The following GABBR2 variants were observed in gnomAD, a reference collection of about 807,000 sequenced individuals.
The protein encoded by GABBR2 is gamma-aminobutyric acid type B receptor subunit 2.
Under a neutral mutation model 105.6 loss-of-function variants are expected in GABBR2, and 23 were observed. That is an observed-to-expected ratio of 0.22 (90% CI 0.16 to 0.31). The LOEUF (loss-of-function observed/expected upper bound fraction) is 0.31, where lower values mean the gene tolerates loss of function less well. Among genes scored for constraint, GABBR2 ranks in the 10% least tolerant of loss-of-function variants. GABBR2 has a pLI of 1.00. For missense variants in GABBR2, 734 were observed against 1,245.5 expected, an observed-to-expected ratio of 0.59 and a Z score of 6.18; for synonymous variants, 478 against 499.7, an observed-to-expected ratio of 0.96 and a Z score of 0.58.
At chr9:98,484,811 G>T (rs541591752) in intron 4 of GABBR2, among the ~76,000 whole-genome samples, 1 of 152,342 alleles carries the variant, frequency 6.6e-6, no homozygotes, top group African/African-American at 2.4e-5. Context: ...TCTCATGAAA[G>T]TTCCAGAATC....
chr9:98,692,351 C>G (rs150872544), intron 1 of GABBR2, among the ~76,000 whole-genome samples: 1 of 152,148 alleles, frequency 6.6e-6, no homozygotes, highest in African/African-American at 2.4e-5. Context: ...GGATATTAGT[C>G]CACCCAACAT....
intron 3 of GABBR2, among the ~76,000 whole-genome samples, chr9:98,508,301 A>T (rs929893476): frequency 2.0e-5 from 3 of 152,218 alleles, no homozygotes; most frequent in African/African-American, 7.2e-5. Context: ...AGATGGCCGA[A>T]TAGGAACAGC....
intron 3 of GABBR2, among the ~76,000 whole-genome samples, chr9:98,500,621 G>A (rs1299580370): frequency 2.6e-5 from 4 of 152,224 alleles, no homozygotes; most frequent in African/African-American, 7.2e-5. Flanking sequence ...ACAAGGAGCC[G>A]AAGACATTCG....
intron 1 of GABBR2, 21 bp from the exon 2 acceptor site, chr9:98,578,093 A>G (rs1292732885): frequency 6.2e-7 from 1 of 1,612,766 alleles, no homozygotes; most frequent in African/African-American, 1.3e-5. Flanking sequence ...ACACATAGAA[A>G]GAAAGGTCCA....
intron 12 of GABBR2, among the ~76,000 whole-genome samples, chr9:98,368,401 A>T (rs1831719351): frequency 6.6e-6 from 1 of 151,896 alleles, no homozygotes; most frequent in Non-Finnish European, 1.5e-5. Context: ...TCCTCCCTGG[A>T]TGCCTGGACC....
chr9:98,423,397 T>C lies in GABBR2; in HGVS notation c.1237-17256A>G, dbSNP rs146955882. Among the ~76,000 whole-genome samples, 169 of 152,372 alleles carry C rather than the reference T, an allele frequency of 1.1e-3. 1 individual carries two copies. The highest frequency in any genetic ancestry group is 3.8e-3 in the African/African-American group (159 of 41,590). On this transcript the variant is annotated intron_variant, in intron 7 of 18. Coordinates refer to ENST00000259455, the MANE Select transcript of GABBR2 (RefSeq NM_005458.8). ...ATTTTTTCATGTGTCTTTGGCTGCATAAATGTCTTCTTTTGAGAAGTGTCT... is the reference window on the plus strand; with the variant it reads ...ATTTTTTCATGTGTCTTTGGCTGCACAAATGTCTTCTTTTGAGAAGTGTCT...
At chr9:98,361,692 C>T (rs1232636880) in intron 13 of GABBR2, among the ~76,000 whole-genome samples, 2 of 152,204 alleles carry the variant, frequency 1.3e-5, no homozygotes, top group Admixed American at 6.5e-5. Context: ...GTCTTTCCTC[C>T]TTACCAGTTC....
Position 98,385,780 on chromosome 9 carries a change from G to A in GABBR2, c.1530-8C>T, listed in dbSNP as rs1391961866. On this transcript the variant is annotated splice_region_variant and splice_polypyrimidine_tract_variant and intron_variant, in intron 10 of 18. Coordinates refer to ENST00000259455, the MANE Select transcript of GABBR2 (RefSeq NM_005458.8). ...CTCGACATCTTTATGAGCCTGACAA[G>A]AGAAAGAGACAATAGATTTAACAGA... 1.9e-6 allele frequency: 3 copies of A among 1,605,472 alleles called. No homozygotes were observed. In the African/African-American group the frequency reaches 4.0e-5, roughly 21 times the overall value.
intron 1 of GABBR2, among the ~76,000 whole-genome samples, chr9:98,657,724 C>A (rs941883854): frequency 2.6e-5 from 4 of 152,240 alleles, no homozygotes. Context: ...ATGGCAAGAG[C>A]GGGACCAGGT....
chr9:98,708,507 C>T lies in GABBR2; in HGVS notation c.231G>A (p.Val77=), dbSNP rs1458996901. 6 of 1,596,288 alleles carry T rather than the reference C, an allele frequency of 3.8e-6. No individual in the cohort carries two copies. The highest frequency in any genetic ancestry group is 2.2e-5 in the South Asian group (2 of 89,318). The change falls in exon 1 of 19, where the codon GTG becomes GTA. Residue 77 remains valine (V), a synonymous_variant. Transcript: ENST00000259455. ...CGATGGCCAGTTCCACGGCGGGGAG[C>T]ACACCGCGCCCGATGCTGCCCTTGG... is the stretch of plus-strand genomic sequence containing the variant. ...EVAKGSIGRG[V]LPAVELAIEQ...
At chr9:98,690,860 C>A (rs1830674569) in intron 1 of GABBR2, among the ~76,000 whole-genome samples, 1 of 152,188 alleles carries the variant, frequency 6.6e-6, no homozygotes, top group South Asian at 2.1e-4. Flanking sequence ...TGCCCATCAG[C>A]CAGAGGGACA....
At chr9:98,485,379 G>T (rs1827022222) in intron 4 of GABBR2, among the ~76,000 whole-genome samples, 1 of 152,128 alleles carries the variant, frequency 6.6e-6, no homozygotes, top group Non-Finnish European at 1.5e-5. Context: ...CTCTGGAGAG[G>T]AGTCTAATGT....
At chr9:98,400,354 G>A (rs980040164) in intron 8 of GABBR2, among the ~76,000 whole-genome samples, 12 of 152,128 alleles carry the variant, frequency 7.9e-5, no homozygotes, top group African/African-American at 2.4e-4. Context: ...CTTTTAGACC[G>A]TCAAAAAATG....
intron 1 of GABBR2, among the ~76,000 whole-genome samples, chr9:98,653,328 T>A (rs1830134988): frequency 6.6e-6 from 1 of 152,226 alleles, no homozygotes. Flanking sequence ...CAGCCAGAGT[T>A]GTGGAGCACA....
chr9:98,449,474 C>T (rs556201261), intron 7 of GABBR2, among the ~76,000 whole-genome samples: 13 of 152,154 alleles, frequency 8.5e-5, no homozygotes, highest in Non-Finnish European at 1.9e-4. Flanking sequence ...CCAAGCAATT[C>T]TCAGGTTGCT....
intron 13 of GABBR2, among the ~76,000 whole-genome samples, chr9:98,354,310 A>G (rs762586556): frequency 6.6e-6 from 1 of 152,236 alleles, no homozygotes; most frequent in Non-Finnish European, 1.5e-5. Flanking sequence ...GGAAATGGGC[A>G]CTGGCTTCAA....
chr9:98,591,614 C>T (rs1829146005), intron 1 of GABBR2, among the ~76,000 whole-genome samples: 2 of 152,060 alleles, frequency 1.3e-5, no homozygotes, highest in South Asian at 4.2e-4. Flanking sequence ...GGCCTAGCAC[C>T]CCTAGGAGAG....
chr9:98,664,052 T>C (rs1181471153), intron 1 of GABBR2, among the ~76,000 whole-genome samples: 1 of 152,160 alleles, frequency 6.6e-6, no homozygotes, highest in African/African-American at 2.4e-5. Context: ...CCCAGTGGTA[T>C]GTCCCTCTTG....
At chr9:98,489,832 G>T (rs141802390) in intron 4 of GABBR2, among the ~76,000 whole-genome samples, 1 of 152,198 alleles carries the variant, frequency 6.6e-6, no homozygotes, top group Non-Finnish European at 1.5e-5. Context: ...GGTGGCTCAC[G>T]CCTGTAATCC....
Sources: gnomAD v4.1 joint callset for allele counts (sites outside exome capture counted in the v4.1 genomes callset) on GRCh38, gnomAD v4.1.1 for gene constraint, MANE v1.5 for transcripts, NCBI Gene and HGNC (gene_info 2026-07-23, HGNC 2026-07-21) for gene names.